Variants in ROBO1 observed in about 807,000 individuals in gnomAD.
ROBO1 encodes the protein roundabout homolog 1.
In ROBO1, 149 loss-of-function variants were observed where a neutral mutation model predicts 195.9. The ratio of observed to expected loss-of-function variants is 0.76; its 90% CI spans 0.67 to 0.87. The LOEUF is 0.87. ROBO1 is among the 40% of genes least tolerant of loss of function. The pLI, the probability that ROBO1 is intolerant of heterozygous loss-of-function variation, is 0.00. For missense variants in ROBO1, 1,933 were observed against 2,068.3 expected (o/e 0.93, Z 1.27); for synonymous variants, 816 against 733.2 (o/e 1.11, Z -1.82).
chr3:78,849,674 T>C (rs1293132661), intron 4 of ROBO1, among the ~76,000 whole-genome samples: 1 of 152,134 alleles, frequency 6.6e-6, no homozygotes, highest in Non-Finnish European at 1.5e-5. Flanking sequence ...GTACATAAGA[T>C]GTAAGAGTAA....
At chr3:79,014,510 C>T (rs1477340423) in intron 3 of ROBO1, among the ~76,000 whole-genome samples, 1 of 152,146 alleles carries the variant, frequency 6.6e-6, no homozygotes, top group African/African-American at 2.4e-5. Flanking sequence ...GGATTTGCTT[C>T]ATGTGCTGTG....
chr3:78,725,597 T>A (rs1388118456), intron 5 of ROBO1, among the ~76,000 whole-genome samples: 2 of 152,192 alleles, frequency 1.3e-5, no homozygotes, highest in East Asian at 3.9e-4. Flanking sequence ...GTAGCTTTTC[T>A]ACCAAAAGTG....
At position 79,004,822 on chromosome 3, in the gene ROBO1, A is replaced by T. The variant is rs2077583878; in HGVS notation, c.173-65895T>A. Among the ~76,000 whole-genome samples, 4 of 152,310 alleles carry T rather than the reference A, an allele frequency of 2.6e-5. No individual in the cohort carries two copies. The South Asian group carries it at 8.3e-4, about 32-fold the overall frequency. ...AATAATTCCAACATATCCAAATACA[A>T]GGTGCTGTCTCATAAGAAAATGAAT... On this transcript the variant is annotated intron_variant, in intron 3 of 30. Coordinates refer to ENST00000464233, the MANE Select transcript of ROBO1 (RefSeq NM_002941.4).
chr3:79,718,073 TA>T (rs1246584670), intron 1 of ROBO1, among the ~76,000 whole-genome samples: 3 of 152,096 alleles, frequency 2.0e-5, no homozygotes, highest in Admixed American at 6.6e-5. Flanking sequence ...CAGGGGATTG[TA>T]GTTAGACAAA....
chr3:79,418,581 CTG>C (rs2038099954), intron 2 of ROBO1, among the ~76,000 whole-genome samples: 1 of 152,088 alleles, frequency 6.6e-6, no homozygotes, highest in South Asian at 2.1e-4. Flanking sequence ...ATAAAGCAAA[CTG>C]TTTTATGCAA....
chr3:78,678,604 A>G (rs1465582805), intron 10 of ROBO1, among the ~76,000 whole-genome samples: 3 of 152,034 alleles, frequency 2.0e-5, no homozygotes, highest in Non-Finnish European at 2.9e-5. Context: ...CGACACATAC[A>G]CTCTCCCAAG....
At chr3:79,695,068 A>T (rs184177369) in intron 1 of ROBO1, among the ~76,000 whole-genome samples, 331 of 151,776 alleles carry the variant, frequency 2.2e-3, no homozygotes, top group Non-Finnish European at 3.6e-3. Flanking sequence ...GAACATGTTA[A>T]TATACTGATT....
At chr3:78,943,264 C>A (rs1431814021) in intron 3 of ROBO1, among the ~76,000 whole-genome samples, 1 of 152,038 alleles carries the variant, frequency 6.6e-6, no homozygotes, top group East Asian at 1.9e-4. Flanking sequence ...GTTTTTAAGT[C>A]TAGAGAGATG....
chr3:78,748,170 G>C (rs1005017994), intron 4 of ROBO1, among the ~76,000 whole-genome samples: 2 of 152,160 alleles, frequency 1.3e-5, no homozygotes, highest in Non-Finnish European at 2.9e-5. Flanking sequence ...ATTGGGCTGG[G>C]TGTGGTGGCT....
intron 2 of ROBO1, among the ~76,000 whole-genome samples, chr3:79,137,310 G>A (rs774251109): frequency 2.0e-4 from 31 of 151,940 alleles, no homozygotes; most frequent in South Asian, 6.2e-4. Context: ...TTATTATTTG[G>A]ATAAGCTGAA....
At chr3:78,837,800 C>T (rs554688659) in intron 4 of ROBO1, among the ~76,000 whole-genome samples, 19 of 151,958 alleles carry the variant, frequency 1.3e-4, no homozygotes, top group African/African-American at 4.1e-4. Flanking sequence ...CAAAAAAATA[C>T]GCAGGGCCAA....
chr3:79,656,525 TTATC>T (rs752250435), intron 1 of ROBO1, among the ~76,000 whole-genome samples: 30 of 152,158 alleles, frequency 2.0e-4, no homozygotes, highest in South Asian at 4.1e-4. Flanking sequence ...TGTCTATCAA[TTATC>T]TATCTATCTA....
At chr3:79,005,533 A>G (rs2077600292) in intron 3 of ROBO1, among the ~76,000 whole-genome samples, 1 of 152,206 alleles carries the variant, frequency 6.6e-6, no homozygotes, top group Non-Finnish European at 1.5e-5. Flanking sequence ...TTTCCCAGTG[A>G]AAAAAGAGTT....
chr3:78,752,955 A>ATTC (rs2082834774), intron 4 of ROBO1, among the ~76,000 whole-genome samples: 1 of 152,172 alleles, frequency 6.6e-6, no homozygotes, highest in South Asian at 2.1e-4. Context: ...GGACCCTGGA[A>ATTC]GAAAATATGC....
intron 3 of ROBO1, among the ~76,000 whole-genome samples, chr3:79,017,917 C>T (rs2077991300): frequency 6.6e-6 from 1 of 152,158 alleles, no homozygotes; most frequent in African/African-American, 2.4e-5. Context: ...AAAACAACTA[C>T]TAATAACCCC....
intron 3 of ROBO1, among the ~76,000 whole-genome samples, chr3:79,017,915 T>C (rs1038644998): frequency 4.6e-5 from 7 of 152,124 alleles, no homozygotes; most frequent in African/African-American, 7.2e-5. Context: ...ATAAAACAAC[T>C]ACTAATAACC....
intron 2 of ROBO1, among the ~76,000 whole-genome samples, chr3:79,481,840 T>C (rs1234058147): frequency 6.6e-6 from 1 of 152,202 alleles, no homozygotes; most frequent in Non-Finnish European, 1.5e-5. Context: ...CCTTTTCTTT[T>C]ATTAATATGA....
At chr3:79,663,563 G>C (rs892091164) in intron 1 of ROBO1, among the ~76,000 whole-genome samples, 3 of 151,948 alleles carry the variant, frequency 2.0e-5, no homozygotes, top group African/African-American at 7.2e-5. Flanking sequence ...GGTTGCCCAG[G>C]CTGGTCTCTC....
intron 1 of ROBO1, among the ~76,000 whole-genome samples, chr3:79,734,090 G>A (rs983498807): frequency 6.6e-6 from 1 of 151,938 alleles, no homozygotes; most frequent in South Asian, 2.1e-4. Flanking sequence ...TGGGATTACA[G>A]GTGTGCACTA....
Sources: allele counts gnomAD v4.1 joint callset (sites outside exome capture counted in the v4.1 genomes callset), GRCh38; gene constraint gnomAD v4.1.1; transcripts MANE v1.5; gene names NCBI Gene and HGNC (gene_info 2026-07-23, HGNC 2026-07-21).